The following LAMC1 variants were observed in gnomAD, a reference collection of about 807,000 sequenced individuals.
LAMC1 encodes the protein laminin subunit gamma-1.
In LAMC1, 38 loss-of-function variants were observed where a neutral mutation model predicts 173.6. The ratio of observed to expected loss-of-function variants is 0.22; its 90% CI spans 0.17 to 0.29. The LOEUF is 0.29. Among genes scored for constraint, LAMC1 ranks in the 10% least tolerant of loss-of-function variants. LAMC1 has a pLI of 1.00. For missense variants in LAMC1, 1,824 were observed against 2,051.8 expected (o/e 0.89, Z 2.14); for synonymous variants, 746 against 749.1 (o/e 1.00, Z 0.07).
chr1:183,083,629 GT>G (rs1224542102), intron 1 of LAMC1, among the ~76,000 whole-genome samples: 1 of 152,062 alleles, frequency 6.6e-6, no homozygotes, highest in African/African-American at 2.4e-5. Context: ...TTTTAAAAAG[GT>G]TTTTGCCAAC....
At position 183,127,312 on chromosome 1, in the gene LAMC1, C is replaced by G; in HGVS notation, c.3031C>G (p.Arg1011Gly). 4.3e-6 allele frequency: 7 copies of G among 1,614,134 alleles called. No individual in the cohort carries two copies. Among genetic ancestry groups the G allele is most frequent in the Non-Finnish European group, 5.9e-6 (7 of 1,180,008 alleles). ...ATGCAGAGAAGGCTTTGTGGGAAAT[C>G]GCTGTGACCAGTGTGAAGAAAACTA... The part of the protein sequence containing the change: ...CECREGFVGN[R>G]CDQCEENYFY... The change falls in exon 17 of 28, where the codon CGC (arginine) becomes GGC (glycine). Residue 1011 changes from arginine (R) to glycine (G), a missense_variant. Transcript: ENST00000258341.
intron 1 of LAMC1, among the ~76,000 whole-genome samples, chr1:183,045,699 A>G (rs1006863073): frequency 1.8e-4 from 28 of 152,120 alleles, no homozygotes; most frequent in African/African-American, 6.0e-4. Flanking sequence ...TTGCTGGGTC[A>G]TAATACATGA....
At chr1:183,116,698 G>A in intron 7 of LAMC1, 23 bp downstream of exon 7, 1 of 1,607,484 alleles carries the variant, frequency 6.2e-7, no homozygotes, top group East Asian at 2.2e-5. Context: ...TTCTCTAGCT[G>A]CATTGTGTTT....
rs770534670 is a variant in LAMC1 at position 183,121,975 on chromosome 1, A to G, written c.2212+31A>G. On this transcript the variant is annotated intron_variant, in intron 12 of 27. Transcript: ENST00000258341. ...ATGATCTTTGGCAGCTCTTAGACCTAACTTCTCTTTAGCAATTGTGTAGAA... is the reference window on the plus strand; with the variant it reads ...ATGATCTTTGGCAGCTCTTAGACCTGACTTCTCTTTAGCAATTGTGTAGAA... The G allele has an allele frequency of 2.2e-5, 35 of 1,610,170 alleles. No homozygotes were observed. In the South Asian group the frequency reaches 3.5e-4, roughly 16 times the overall value.
At chr1:183,057,757 C>A (rs1188908603) in intron 1 of LAMC1, among the ~76,000 whole-genome samples, 1 of 149,358 alleles carries the variant, frequency 6.7e-6, no homozygotes. Context: ...CTCTGTCATA[C>A]TTTTTTTTTT....
chr1:183,105,246 AG>A (rs1194105131), intron 2 of LAMC1, among the ~76,000 whole-genome samples: 5,866 of 113,224 alleles, frequency 0.052, 448 homozygotes, highest in Middle Eastern at 0.071. Flanking sequence ...AAAAAAAAAA[AG>A]AAAGAAAGAA....
rs754181049 is a variant in LAMC1, at chr1:183,024,062, A to G, written c.346A>G (p.Thr116Ala). 6.2e-7 allele frequency: 1 copy of G among 1,611,870 alleles called. No individual in the cohort carries two copies. Among genetic ancestry groups the G allele is most frequent in the Non-Finnish European group, 8.5e-7 (1 of 1,179,324 alleles). Residue 116 changes from threonine (T) to alanine (A), a missense_variant, in exon 1 of 28, where the codon ACC becomes GCC. Transcript: ENST00000258341. ...CGACTACAACAACCAGGCCGACACC[A>G]CCTGGTGGCAAAGCCAGACCATGCT... ...LTDYNNQADT[T>A]WWQSQTMLAG... is the part of the protein sequence containing the mutation.
chr1:183,053,138 C>A (rs1654479417), intron 1 of LAMC1, among the ~76,000 whole-genome samples: 1 of 152,080 alleles, frequency 6.6e-6, no homozygotes, highest in South Asian at 2.1e-4. Context: ...AAATCAAATC[C>A]CTTGTTAGGG....
At chr1:183,107,690 C>T (rs551909230) in intron 2 of LAMC1, among the ~76,000 whole-genome samples, 8 of 152,056 alleles carry the variant, frequency 5.3e-5, no homozygotes, top group African/African-American at 1.4e-4. Flanking sequence ...ATTAGCTGGG[C>T]GTGGTGGCGG....
rs184424583 is a variant in LAMC1, at chr1:183,030,647, C to T, written c.418+6513C>T. ...TTTCTGTAAATTTTTTAAAAAAGTA[C>T]TAAGGTATGGAACTGGTATGGAATT... On this transcript the variant is annotated intron_variant, in intron 1 of 27. Coordinates refer to ENST00000258341, the MANE Select transcript of LAMC1 (RefSeq NM_002293.4). 3.6e-3 allele frequency among the ~76,000 whole-genome samples: 540 copies of T among 151,968 alleles called. 3 individuals are homozygous for T. Among genetic ancestry groups the T allele is most frequent in the Non-Finnish European group, 5.7e-3 (388 of 67,990 alleles).
intron 18 of LAMC1, among the ~76,000 whole-genome samples, chr1:183,129,597 A>G (rs1656727266): frequency 6.6e-6 from 1 of 151,248 alleles, no homozygotes; most frequent in Admixed American, 6.6e-5. Flanking sequence ...TAGAAAATTT[A>G]GACCCCAACA....
intron 1 of LAMC1, among the ~76,000 whole-genome samples, chr1:183,061,285 TA>T (rs1384853096): frequency 6.6e-6 from 1 of 152,198 alleles, no homozygotes; most frequent in Non-Finnish European, 1.5e-5. Flanking sequence ...AAACTCTGCC[TA>T]AATCCTGAAC....
chr1:183,028,691 C>G (rs1653758697), intron 1 of LAMC1, among the ~76,000 whole-genome samples: 1 of 152,224 alleles, frequency 6.6e-6, no homozygotes. Flanking sequence ...CATGTATACC[C>G]TGGTTCAGAG....
intron 1 of LAMC1, among the ~76,000 whole-genome samples, chr1:183,028,253 C>T (rs1275222910): frequency 6.6e-6 from 1 of 151,590 alleles, no homozygotes. Flanking sequence ...TTGGGTGTGC[C>T]TTTTGCTATG....
chr1:183,024,409 G>T (rs996449910), intron 1 of LAMC1, among the ~76,000 whole-genome samples: 2 of 152,208 alleles, frequency 1.3e-5, no homozygotes, highest in African/African-American at 2.4e-5. Flanking sequence ...CTGCATTTCG[G>T]CTGTTAGGAT....
At chr1:183,139,473 C>A (rs533681174) in intron 26 of LAMC1, among the ~76,000 whole-genome samples, 3 of 152,354 alleles carry the variant, frequency 2.0e-5, no homozygotes, top group African/African-American at 7.2e-5. Flanking sequence ...CCTCCTTTTA[C>A]ACTCGCAGAC....
chr1:183,081,177 C>T (rs142953873), intron 1 of LAMC1, among the ~76,000 whole-genome samples: 66 of 152,270 alleles, frequency 4.3e-4, no homozygotes, highest in African/African-American at 1.4e-3. Context: ...CGTCAGCCAC[C>T]GCGCCCGGCC....
At chr1:183,064,222 G>T (rs913620084) in intron 1 of LAMC1, among the ~76,000 whole-genome samples, 33 of 152,170 alleles carry the variant, frequency 2.2e-4, no homozygotes, top group African/African-American at 7.7e-4. Flanking sequence ...TAACAATGGA[G>T]TACGTTCTGA....
chr1:183,023,623 T>C lies in LAMC1; in HGVS notation c.-94T>C, dbSNP rs2102000401. Reference sequence around the variant, plus strand: ...GAGTCAGGCCCCTGGGCCCCCAGGCTCAAGCAGCGAAGCGGCCTCCGGGGG... The same window carrying C: ...GAGTCAGGCCCCTGGGCCCCCAGGCCCAAGCAGCGAAGCGGCCTCCGGGGG... On this transcript the variant is annotated 5_prime_UTR_variant, in exon 1 of 28. Transcript: ENST00000258341. 2.0e-6 allele frequency: 2 copies of C among 996,922 alleles called. No homozygotes were observed. Among genetic ancestry groups the C allele is most frequent in the Admixed American group, 5.0e-5 (1 of 20,060 alleles). The allele number at this position is 996,922 out of a possible 1,614,324, so 61.8% of individuals were successfully genotyped here.
Sources: allele counts gnomAD v4.1 joint callset (sites outside exome capture counted in the v4.1 genomes callset), GRCh38; gene constraint gnomAD v4.1.1; transcripts MANE v1.5; gene names NCBI Gene and HGNC (gene_info 2026-07-23, HGNC 2026-07-21).